MAGI3: variants seen among roughly 807,000 people sequenced by gnomAD.
MAGI3 encodes the protein membrane-associated guanylate kinase, WW and PDZ domain-containing protein 3.
Under a neutral mutation model 121.8 loss-of-function variants are expected in MAGI3, and 43 were observed. The ratio of observed to expected loss-of-function variants is 0.35; its 90% CI spans 0.28 to 0.46. The LOEUF (loss-of-function observed/expected upper bound fraction) is 0.46. Ranked by LOEUF, MAGI3 falls within the 20% of genes least tolerant of loss-of-function variation. The probability of loss-of-function intolerance (pLI) is 1.00; values close to 1 mark genes in which losing one functional copy is unlikely to be tolerated. For synonymous variants in MAGI3, 553 were observed against 639.3 expected, an observed-to-expected ratio of 0.86 and a Z score of 2.04; for missense variants, 1,547 against 1,797.3, an observed-to-expected ratio of 0.86 and a Z score of 2.52.
At chr1:113,478,160 T>C (rs1382550308) in intron 1 of MAGI3, among the ~76,000 whole-genome samples, 2 of 152,180 alleles carry the variant, frequency 1.3e-5, no homozygotes, top group Non-Finnish European at 2.9e-5. Flanking sequence ...AGCTTCCTTG[T>C]GATGGGTTCG....
chr1:113,571,044 T>G (rs1252571324), intron 2 of MAGI3, among the ~76,000 whole-genome samples: 1 of 152,268 alleles, frequency 6.6e-6, no homozygotes, highest in Non-Finnish European at 1.5e-5. Context: ...TTTAAGTCTT[T>G]AATCCATCTT....
chr1:113,441,238 G>A (rs1653897524), intron 1 of MAGI3, among the ~76,000 whole-genome samples: 1 of 152,060 alleles, frequency 6.6e-6, no homozygotes, highest in African/African-American at 2.4e-5. Context: ...GAAAACAAAG[G>A]GATCTGCTAT....
intron 1 of MAGI3, among the ~76,000 whole-genome samples, chr1:113,503,773 G>GT (rs1326130165): frequency 4.0e-5 from 6 of 151,328 alleles, no homozygotes; most frequent in African/African-American, 1.2e-4. Flanking sequence ...TTGGTTATTT[G>GT]TAACAAGAAT....
rs574065866 is a variant in MAGI3 at position 113,546,031 on chromosome 1, A to G, written c.317-3484A>G. Among the ~76,000 whole-genome samples the G allele has an allele frequency of 2.0e-5, 3 of 152,254 alleles. No individual in the cohort carries two copies. The South Asian group carries it at 6.2e-4, about 32-fold the overall frequency. ...TGTCTGTTGGCCTTCTGGTAATCCC[A>G]CAGTCAGCTGCCTGTTCAAGATATT... On this transcript the variant is annotated intron_variant, in intron 1 of 20. Coordinates refer to ENST00000307546, the MANE Select transcript of MAGI3 (RefSeq NM_001142782.2).
At chr1:113,596,181 T>C (rs1649000175) in intron 6 of MAGI3, among the ~76,000 whole-genome samples, 1 of 150,854 alleles carries the variant, frequency 6.6e-6, no homozygotes, top group South Asian at 2.1e-4. Context: ...ATAAAGACAG[T>C]TTGGTATTGG....
chr1:113,412,453 C>T (rs1477560195), intron 1 of MAGI3, among the ~76,000 whole-genome samples: 1 of 152,160 alleles, frequency 6.6e-6, no homozygotes, highest in Non-Finnish European at 1.5e-5. Context: ...GCCACAATGT[C>T]TTCCACAATG....
At chr1:113,425,714 C>T (rs1652975400) in intron 1 of MAGI3, among the ~76,000 whole-genome samples, 1 of 151,870 alleles carries the variant, frequency 6.6e-6, no homozygotes, top group South Asian at 2.1e-4. Flanking sequence ...CATAATATTC[C>T]TTTATTATCC....
chr1:113,662,874 T>C (rs1463555714), intron 16 of MAGI3, among the ~76,000 whole-genome samples: 1 of 151,450 alleles, frequency 6.6e-6, no homozygotes, highest in Non-Finnish European at 1.5e-5. Context: ...TTAGCTGTTG[T>C]CTTTTTTTTC....
chr1:113,485,776 C>G (rs1656353804), intron 1 of MAGI3, among the ~76,000 whole-genome samples: 1 of 152,158 alleles, frequency 6.6e-6, no homozygotes, highest in Admixed American at 6.5e-5. Flanking sequence ...ATGTTATCTT[C>G]TAGAATCTTT....
At chr1:113,426,886 G>T (rs957789814) in intron 1 of MAGI3, among the ~76,000 whole-genome samples, 2 of 151,632 alleles carry the variant, frequency 1.3e-5, no homozygotes, top group Non-Finnish European at 2.9e-5. Context: ...TACATTTAAG[G>T]TAATTATTAA....
At chr1:113,633,504 G>A (rs71662837) in intron 9 of MAGI3, among the ~76,000 whole-genome samples, 32,841 of 151,156 alleles carry the variant, frequency 0.22, 4,358 homozygotes, top group South Asian at 0.38. Flanking sequence ...CTCGTGATCC[G>A]CCCGCCTCGG....
intron 20 of MAGI3, chr1:113,682,280 T>G: frequency 6.2e-7 from 1 of 1,605,958 alleles, no homozygotes; most frequent in Non-Finnish European, 8.5e-7. Flanking sequence ...GGGCTTTTCT[T>G]GGTCTTTCCT....
intron 8 of MAGI3, 71 bp from the exon 9 acceptor site, chr1:113,622,735 A>C: frequency 8.1e-7 from 1 of 1,236,278 alleles, no homozygotes; most frequent in South Asian, 1.5e-5. Flanking sequence ...AGTCATATAA[A>C]AGATTGACTC....
chr1:113,656,729 A>G (rs1653494613), intron 15 of MAGI3, among the ~76,000 whole-genome samples: 1 of 152,042 alleles, frequency 6.6e-6, no homozygotes, highest in South Asian at 2.1e-4. Context: ...ATCATTCTTT[A>G]TGGACCTCAT....
At chr1:113,466,017 G>GAC (rs753593397) in intron 1 of MAGI3, among the ~76,000 whole-genome samples, 107 of 152,168 alleles carry the variant, frequency 7.0e-4, no homozygotes, top group Non-Finnish European at 1.2e-3. Context: ...CTTTGGCCAA[G>GAC]ACTTCCAAGA....
intron 1 of MAGI3, among the ~76,000 whole-genome samples, chr1:113,455,452 A>G (rs887886213): frequency 3.3e-5 from 5 of 152,076 alleles, no homozygotes; most frequent in African/African-American, 4.8e-5. Context: ...AAAGATAGAT[A>G]CTTTCAACTT....
chr1:113,463,374 C>T (rs1454326524), intron 1 of MAGI3, among the ~76,000 whole-genome samples: 1 of 149,256 alleles, frequency 6.7e-6, no homozygotes, highest in African/African-American at 2.4e-5. Context: ...TTAGAAATCT[C>T]ATTTAGGAGA....
At chr1:113,523,808 A>G (rs1490597565) in intron 1 of MAGI3, among the ~76,000 whole-genome samples, 1 of 152,208 alleles carries the variant, frequency 6.6e-6, no homozygotes, top group African/African-American at 2.4e-5. Flanking sequence ...AAATTTGCAT[A>G]AGTAACGAGG....
intron 16 of MAGI3, 77 bp from the exon 17 acceptor site, chr1:113,671,657 C>G (rs1647558538): frequency 3.0e-6 from 4 of 1,341,880 alleles, no homozygotes; most frequent in Non-Finnish European, 4.2e-6. Context: ...CTGTTATTGT[C>G]TCACCTTCAC....
Sources: allele counts gnomAD v4.1 joint callset (sites outside exome capture counted in the v4.1 genomes callset), GRCh38; gene constraint gnomAD v4.1.1; transcripts MANE v1.5; gene names NCBI Gene and HGNC (gene_info 2026-07-23, HGNC 2026-07-21).